The following EFCAB8 variants were observed in gnomAD, a reference collection of about 807,000 sequenced individuals.
The protein encoded by EFCAB8 is EF-hand calcium-binding domain-containing protein 8.
Under a neutral mutation model 116.3 loss-of-function variants are expected in EFCAB8, and 100 were observed. The observed-to-expected ratio is 0.86, with a 90% CI of 0.73 to 1.02. The LOEUF (loss-of-function observed/expected upper bound fraction) is 1.02, where lower values mean the gene tolerates loss of function less well. Ranked by LOEUF, EFCAB8 falls within the 50% of genes least tolerant of loss-of-function variation. The probability of loss-of-function intolerance (pLI) is 0.00; values close to 1 mark genes in which losing one functional copy is unlikely to be tolerated. For missense variants in EFCAB8, 1,320 were observed against 1,416.9 expected (o/e 0.93, Z 1.10); for synonymous variants, 558 against 567.9 (o/e 0.98, Z 0.25).
intron 6 of EFCAB8, among the ~76,000 whole-genome samples, chr20:32,887,439 A>C (rs1436618194): frequency 6.6e-6 from 1 of 152,150 alleles, no homozygotes; most frequent in Non-Finnish European, 1.5e-5. Context: ...AGCCAGGCGT[A>C]GTGGCGCACC....
At chr20:32,958,370 G>C (rs1195761714) in intron 23 of EFCAB8, 51 bp from the exon 24 acceptor site, 2 of 416,042 alleles carry the variant, frequency 4.8e-6, no homozygotes, top group Non-Finnish European at 8.8e-6. Context: ...CAGAGGGCAT[G>C]GAGGAGGGGG....
intron 7 of EFCAB8, among the ~76,000 whole-genome samples, chr20:32,891,827 GT>G (rs35814833): frequency 0.34 from 48,946 of 145,560 alleles, 8,970 homozygotes; most frequent in Middle Eastern, 0.5. Flanking sequence ...GAAGGAGTCA[GT>G]TTTTTTTTTT....
chr20:32,912,965 T>C (rs964445825), intron 17 of EFCAB8, 101 bp downstream of exon 17: 20 of 664,340 alleles, frequency 3.0e-5, no homozygotes, highest in Admixed American at 7.7e-5. Flanking sequence ...TGGAACACCA[T>C]GCAGGAAGTT....
In EFCAB8 at chr20:32,928,945, G is replaced by A. The variant is rs569984081; in HGVS notation, c.2413-1453G>A. 3.3e-5 allele frequency among the ~76,000 whole-genome samples: 5 copies of A among 150,266 alleles called. No individual in the cohort carries two copies. The South Asian group carries it at 6.3e-4, about 19-fold the overall frequency. On this transcript the variant is annotated intron_variant, in intron 20 of 26. Coordinates refer to ENST00000400522, the MANE Select transcript of EFCAB8 (RefSeq NM_001143967.2). ...GTTTTCTGCATCAATTAAGATGATC[G>A]TGTGGGTTTTTTTCTTTTTTTGTGA...
chr20:32,867,676 C>T lies in EFCAB8; in HGVS notation c.137C>T (p.Ser46Phe), dbSNP rs1196524630. The change falls in exon 3 of 27, where the codon TCC (serine) becomes TTC (phenylalanine). Residue 46 changes from serine (S) to phenylalanine (F), a missense_variant. Ser to Phe is a radical substitution (Grantham distance 155, BLOSUM62 -2). Transcript: ENST00000400522. ...LSQVPDLQPGSQLFTEIHLAK... is the reference protein window; with the variant it reads ...LSQVPDLQPGFQLFTEIHLAK... Reference sequence around the variant, plus strand: ...CAGGTGCCTGACCTCCAGCCTGGGTCCCAGCTGTTTACTGAGATACACCTG... The same window carrying T: ...CAGGTGCCTGACCTCCAGCCTGGGTTCCAGCTGTTTACTGAGATACACCTG... The T allele has an allele frequency of 1.3e-6, 2 of 1,551,488 alleles. No individual in the cohort carries two copies. The highest frequency in any genetic ancestry group is 4.9e-5 in the East Asian group (2 of 40,914).
At chr20:32,882,677 C>T (rs1052725645) in intron 5 of EFCAB8, among the ~76,000 whole-genome samples, 2 of 151,846 alleles carry the variant, frequency 1.3e-5, no homozygotes. Flanking sequence ...GCCGCCACCA[C>T]GCCTGGCCGA....
At chr20:32,941,684 G>A (rs1235627377) in intron 22 of EFCAB8, among the ~76,000 whole-genome samples, 1 of 152,142 alleles carries the variant, frequency 6.6e-6, no homozygotes, top group African/African-American at 2.4e-5. Context: ...GTAGATTAGT[G>A]GTTTCCTGAG....
intron 3 of EFCAB8, among the ~76,000 whole-genome samples, chr20:32,868,292 G>T (rs938227080): frequency 1.3e-5 from 2 of 152,080 alleles, no homozygotes; most frequent in Non-Finnish European, 2.9e-5. Context: ...AAACTCCTGG[G>T]CTCAAGCAGC....
At chr20:32,926,689 T>C (rs1389795524) in intron 20 of EFCAB8, among the ~76,000 whole-genome samples, 3 of 128,316 alleles carry the variant, frequency 2.3e-5, no homozygotes, top group Admixed American at 9.0e-5. Flanking sequence ...GTCCCCAGAG[T>C]GTGATGTTCC....
chr20:32,875,932 G>A lies in EFCAB8; in HGVS notation c.215G>A (p.Gly72Asp), dbSNP rs1984947780. The A allele has an allele frequency of 1.3e-6, 2 of 1,551,750 alleles. No homozygotes were observed. Among genetic ancestry groups the A allele is most frequent in the Non-Finnish European group, 1.7e-6 (2 of 1,146,932 alleles). ...CTCTGTTCTCTCTTTGAAGCCCTGG[G>A]CATGGACGCCTTCATCAAGGCCATG... ...EEDINSTGALGMDAFIKAMKK... is the reference protein window; with the variant it reads ...EEDINSTGALDMDAFIKAMKK... The change falls in exon 4 of 27, where the codon GGC (glycine) becomes GAC (aspartate). Residue 72 changes from glycine to aspartate, a missense_variant. Physicochemically the swap from Gly to Asp is moderately conservative, Grantham distance 94. Transcript: ENST00000400522.
Position 32,909,893 on chromosome 20 carries a change from C to G in EFCAB8, c.1519C>G (p.Pro507Ala). ...KARKRTTHCS[P>A]LCAVLYSKIF... is the part of the protein sequence containing the mutation. Reference sequence around the variant, plus strand: ...AAGGAAGAGGACCACTCATTGCTCACCCCTGTGTGCTGTCCTCTACAGCAA... The same window carrying G: ...AAGGAAGAGGACCACTCATTGCTCAGCCCTGTGTGCTGTCCTCTACAGCAA... The change falls in exon 15 of 27, where the codon CCC becomes GCC. Residue 507 changes from proline to alanine, a missense_variant. Pro to Ala is a conservative substitution (Grantham distance 27). Coordinates refer to ENST00000400522, the MANE Select transcript of EFCAB8 (RefSeq NM_001143967.2). 2 of 1,249,912 alleles carry G rather than the reference C, an allele frequency of 1.6e-6. No homozygotes were observed. Among genetic ancestry groups the G allele is most frequent in the Non-Finnish European group, 2.0e-6 (2 of 988,270 alleles). The allele number at this position is 1,249,912 out of a possible 1,614,324, so 77.4% of individuals were successfully genotyped here. A position where few individuals can be genotyped will look rare whatever the true frequency, so the allele number is the denominator to read the frequency against.
rs1325587117 is a variant in EFCAB8, at chr20:32,867,526, G to A, written c.43-56G>A. On this transcript the variant is annotated intron_variant, in intron 2 of 26. Coordinates refer to ENST00000400522, the MANE Select transcript of EFCAB8 (RefSeq NM_001143967.2). ...TCTCTTTAAATCATGTGCTGAAAATGTTTGGCTCAGGAAATTGAAACGCTC... is the reference window on the plus strand; with the variant it reads ...TCTCTTTAAATCATGTGCTGAAAATATTTGGCTCAGGAAATTGAAACGCTC... The A allele has an allele frequency of 3.3e-6, 5 of 1,521,926 alleles. No individual in the cohort carries two copies. In the African/African-American group the frequency reaches 5.6e-5, roughly 17 times the overall value. The allele number at this position is 1,521,926 out of a possible 1,614,324, so 94.3% of individuals were successfully genotyped here. A position where few individuals can be genotyped will look rare whatever the true frequency, so the allele number is the denominator to read the frequency against.
At chr20:32,911,070 A>G (rs1312314075) in intron 15 of EFCAB8, among the ~76,000 whole-genome samples, 2 of 152,192 alleles carry the variant, frequency 1.3e-5, no homozygotes, top group Admixed American at 1.3e-4. Flanking sequence ...AACAATGGTC[A>G]TGGTGGCAAA....
intron 16 of EFCAB8, among the ~76,000 whole-genome samples, 159 bp downstream of exon 16, chr20:32,911,866 A>G (rs1348338931): frequency 6.6e-6 from 1 of 152,174 alleles, no homozygotes; most frequent in Non-Finnish European, 1.5e-5. Context: ...CTGTGTCCTC[A>G]TGCATGAAAT....
intron 7 of EFCAB8, among the ~76,000 whole-genome samples, chr20:32,891,369 T>C (rs1308078134): frequency 6.6e-6 from 1 of 152,088 alleles, no homozygotes; most frequent in Non-Finnish European, 1.5e-5. Flanking sequence ...AGGTGCGCGC[T>C]ACCACACCCA....
At chr20:32,899,124 G>A (rs1050208981) in intron 11 of EFCAB8, among the ~76,000 whole-genome samples, 1 of 152,016 alleles carries the variant, frequency 6.6e-6, no homozygotes, top group African/African-American at 2.4e-5. Context: ...GGTGGCTCAC[G>A]CCAGTAATCC....
In EFCAB8 at chr20:32,907,148, C is replaced by T. The variant is rs75110305; in HGVS notation, c.1308+154C>T. On this transcript the variant is annotated intron_variant, in intron 13 of 26. Transcript: ENST00000400522. Reference sequence around the variant, plus strand: ...GAGGAAGGTGAGGGTGGCCATGGACCTCTGAGCATGTCCCCAGAGCTGGGT... The same window carrying T: ...GAGGAAGGTGAGGGTGGCCATGGACTTCTGAGCATGTCCCCAGAGCTGGGT... The T allele has an allele frequency of 2.2e-3, 2,202 of 983,700 alleles. 37 individuals carry two copies. In the African/African-American group the frequency reaches 0.034, roughly 15 times the overall value. The allele number at this position is 983,700 out of a possible 1,614,324, so 60.9% of individuals were successfully genotyped here.
At position 32,910,738 on chromosome 20, in the gene EFCAB8, CTTTTTTTTTTTT is replaced by C. The variant is rs34185318; in HGVS notation, c.1558-731_1558-720del. Among the ~76,000 whole-genome samples the C allele has an allele frequency of 3.8e-3, 411 of 107,316 alleles. 3 individuals are homozygous for C. The highest frequency in any genetic ancestry group is 0.016 in the African/African-American group (393 of 25,040). 70.4% of individuals were successfully genotyped at this position (107,316 alleles called of 152,430 possible). ...TGGTCTGAAACCACCTCACTTGCTA[CTTTTTTTTTTTT>C]TTTTTTTTTTGCCAGGGTCTCGCTC... On this transcript the variant is annotated intron_variant, in intron 15 of 26. Coordinates refer to ENST00000400522, the MANE Select transcript of EFCAB8 (RefSeq NM_001143967.2).
intron 23 of EFCAB8, among the ~76,000 whole-genome samples, chr20:32,954,725 A>G (rs902893220): frequency 6.6e-6 from 1 of 152,202 alleles, no homozygotes; most frequent in African/African-American, 2.4e-5. Context: ...CTAATTAGCC[A>G]AGAGAGTTAA....
Sources: allele counts gnomAD v4.1 joint callset (sites outside exome capture counted in the v4.1 genomes callset), GRCh38; gene constraint gnomAD v4.1.1; transcripts MANE v1.5; gene names NCBI Gene and HGNC (gene_info 2026-07-23, HGNC 2026-07-21).